Variants in FAM135B observed in about 807,000 individuals in gnomAD.
FAM135B encodes the protein family with sequence similarity 135 member B, also known as protein FAM135B.
A neutral mutation model predicts 127.7 loss-of-function variants in FAM135B; 43 were observed. The observed-to-expected ratio is 0.34, with a 90% CI of 0.26 to 0.43. The LOEUF (loss-of-function observed/expected upper bound fraction) is 0.43, where lower values mean the gene tolerates loss of function less well. Ranked by LOEUF, FAM135B falls within the 20% of genes least tolerant of loss-of-function variation. FAM135B has a pLI of 1.00. For missense variants in FAM135B, 1,558 were observed against 1,725.6 expected (o/e 0.90, Z 1.72); for synonymous variants, 670 against 665.1 (o/e 1.01, Z -0.11).
chr8:138,397,539 G>A (rs1307545196), intron 1 of FAM135B, among the ~76,000 whole-genome samples: 2 of 152,054 alleles, frequency 1.3e-5, no homozygotes, highest in Non-Finnish European at 2.9e-5. Flanking sequence ...AATAGCATAC[G>A]TACTTGTAGT....
chr8:138,259,653 C>T (rs72723671), intron 4 of FAM135B, among the ~76,000 whole-genome samples: 105 of 152,278 alleles, frequency 6.9e-4, no homozygotes, highest in Non-Finnish European at 1.2e-3. Flanking sequence ...ACTTTGTGAT[C>T]GGACGGCCCA....
rs191933472 is a variant in FAM135B at position 138,152,773 on chromosome 8, G to A, written c.1702C>T (p.Pro568Ser). ...TGCTGAGCATTGAAGGCCACCAGGG[G>A]TTCAGCTCTGGAGGGGTTCTTATTG... Reference protein sequence around the residue: ...SSNKNPSRAEPLVAFNAQHES... With the variant: ...SSNKNPSRAESLVAFNAQHES... Residue 568 changes from proline to serine, a missense_variant, in exon 13 of 20, where the codon CCC becomes TCC. Around this residue, in one of 5 missense-constraint regions of FAM135B, gnomAD observed 923 missense variants for 865.3 expected, o/e 1.07. Coordinates refer to ENST00000395297, the MANE Select transcript of FAM135B (RefSeq NM_015912.4). 2.5e-6 allele frequency: 4 copies of A among 1,614,186 alleles called. No homozygotes were observed. Among genetic ancestry groups the A allele is most frequent in the East Asian group, 4.5e-5 (2 of 44,880 alleles).
intron 1 of FAM135B, among the ~76,000 whole-genome samples, chr8:138,457,066 T>C (rs7824757): frequency 0.49 from 72,688 of 148,526 alleles, 18,481 homozygotes; most frequent in East Asian, 0.84. Flanking sequence ...AAAATATAGG[T>C]GATAAAATAA....
intron 9 of FAM135B, among the ~76,000 whole-genome samples, chr8:138,183,511 A>G (rs1365356030): frequency 6.6e-6 from 1 of 152,162 alleles, no homozygotes; most frequent in Admixed American, 6.5e-5. Flanking sequence ...TTCAATATAT[A>G]TTTGCAGACG....
At chr8:138,184,717 A>G (rs1815393650) in intron 9 of FAM135B, among the ~76,000 whole-genome samples, 1 of 152,158 alleles carries the variant, frequency 6.6e-6, no homozygotes, top group African/African-American at 2.4e-5. Flanking sequence ...ACCAGGAGAC[A>G]GCTATGTGCC....
At chr8:138,155,346 A>C (rs191920425) in intron 12 of FAM135B, among the ~76,000 whole-genome samples, 1 of 152,356 alleles carries the variant, frequency 6.6e-6, no homozygotes, top group East Asian at 1.9e-4. Flanking sequence ...AACACATGCC[A>C]AATTGTAAAG....
rs1328876860 is a variant in FAM135B, at chr8:138,152,313, T to C, written c.2162A>G (p.His721Arg). The C allele has an allele frequency of 6.2e-7, 1 of 1,614,062 alleles. No homozygotes were observed. The highest frequency in any genetic ancestry group is 1.3e-5 in the African/African-American group (1 of 74,932). The change falls in exon 13 of 20, where the codon CAT becomes CGT. Residue 721 changes from histidine to arginine, a missense_variant. Physicochemically the swap from His to Arg is conservative, Grantham distance 29. Transcript: ENST00000395297. Reference protein sequence around the residue: ...REVLHPFVRRHALHRNSLEGG... With the variant: ...REVLHPFVRRRALHRNSLEGG... ...CTCTAGGGAGTTCCGGTGGAGGGCA[T>C]GTCTTCGAACAAACGGGTGCAAGAC...
chr8:138,367,317 C>T (rs1830800721), intron 2 of FAM135B: 1 of 452,094 alleles, frequency 2.2e-6, no homozygotes, highest in Admixed American at 2.4e-5. Context: ...AACCATTTCA[C>T]ATCTTGATTA....
chr8:138,228,661 C>T (rs1383043865), intron 7 of FAM135B, among the ~76,000 whole-genome samples: 1 of 152,068 alleles, frequency 6.6e-6, no homozygotes, highest in Non-Finnish European at 1.5e-5. Flanking sequence ...TCATATACCC[C>T]ACAACTTCTG....
intron 1 of FAM135B, among the ~76,000 whole-genome samples, chr8:138,446,085 T>A (rs974343680): frequency 4.6e-5 from 7 of 152,042 alleles, no homozygotes; most frequent in Admixed American, 3.3e-4. Flanking sequence ...TACCTAGGAA[T>A]CCAACTTACA....
chr8:138,392,669 A>C (rs1832645024), intron 1 of FAM135B, among the ~76,000 whole-genome samples: 1 of 152,206 alleles, frequency 6.6e-6, no homozygotes, highest in Non-Finnish European at 1.5e-5. Flanking sequence ...GTGACCTTAG[A>C]CAAGTAACTT....
chr8:138,433,523 C>CAATAAATAAATAAATA (rs144218276), intron 1 of FAM135B, among the ~76,000 whole-genome samples: 63 of 140,722 alleles, frequency 4.5e-4, no homozygotes, highest in African/African-American at 1.0e-3. Flanking sequence ...GATTCTGTCT[C>CAATAAATAAATAAATA]AATAAATAAA....
chr8:138,488,263 C>T lies in FAM135B; in HGVS notation c.-20+8408G>A, dbSNP rs887624638. ...TATTTTTTGACAAACATTTATTGCA[C>T]GCTAAATGGGTGTCAGGAACTATTC... On this transcript the variant is annotated intron_variant, in intron 1 of 19. Coordinates refer to ENST00000395297, the MANE Select transcript of FAM135B (RefSeq NM_015912.4). Among the ~76,000 whole-genome samples the T allele has an allele frequency of 2.0e-5, 3 of 152,082 alleles. No homozygotes were observed. In the South Asian group the frequency reaches 6.2e-4, roughly 32 times the overall value.
intron 2 of FAM135B, among the ~76,000 whole-genome samples, chr8:138,347,137 A>G (rs534581836): frequency 5.6e-4 from 85 of 152,288 alleles, no homozygotes; most frequent in African/African-American, 2.0e-3. Flanking sequence ...GAATGAATGA[A>G]GGCAGGTGTG....
chr8:138,163,227 G>C (rs972532598), intron 12 of FAM135B, among the ~76,000 whole-genome samples: 5 of 152,108 alleles, frequency 3.3e-5, no homozygotes, highest in Non-Finnish European at 5.9e-5. Context: ...ATTTCACACG[G>C]TTAATAATTG....
chr8:138,329,778 C>A (rs1282196873), intron 2 of FAM135B, among the ~76,000 whole-genome samples: 2 of 152,122 alleles, frequency 1.3e-5, no homozygotes, highest in Non-Finnish European at 2.9e-5. Context: ...GCTACTGCAA[C>A]TTTGGTTATA....
chr8:138,203,820 T>C (rs1234679769), intron 7 of FAM135B, among the ~76,000 whole-genome samples: 1 of 152,192 alleles, frequency 6.6e-6, no homozygotes, highest in Admixed American at 6.5e-5. Flanking sequence ...GAGTCAGTGA[T>C]AGCCCTGAGC....
chr8:138,434,159 T>A (rs1480808872), intron 1 of FAM135B, among the ~76,000 whole-genome samples: 1 of 152,204 alleles, frequency 6.6e-6, no homozygotes, highest in Non-Finnish European at 1.5e-5. Context: ...TCTCTATGAA[T>A]CATGTGTGCA....
intron 9 of FAM135B, 106 bp from the exon 10 acceptor site, chr8:138,178,796 C>A: frequency 1.2e-6 from 1 of 856,442 alleles, no homozygotes; most frequent in East Asian, 2.5e-5. Flanking sequence ...ATAAAGCACT[C>A]TCCTTTCTCT....
Sources: allele counts gnomAD v4.1 joint callset (sites outside exome capture counted in the v4.1 genomes callset), GRCh38; gene constraint gnomAD v4.1.1; regional missense constraint gnomAD v4.1.1; transcripts MANE v1.5; gene names NCBI Gene and HGNC (gene_info 2026-07-23, HGNC 2026-07-21).